Variants in FBXL7 observed in about 807,000 individuals in gnomAD.
FBXL7 encodes the protein F-box and leucine rich repeat protein 7.
A neutral mutation model predicts 38.3 loss-of-function variants in FBXL7; 12 were observed. That is an observed-to-expected ratio of 0.31 (90% CI 0.20 to 0.51). FBXL7 has a LOEUF of 0.51. Ranked by LOEUF, FBXL7 falls within the 20% of genes least tolerant of loss-of-function variation. The pLI, the probability that FBXL7 is intolerant of heterozygous loss-of-function variation, is 0.98. For synonymous variants in FBXL7, 297 were observed against 300.9 expected (o/e 0.99, Z 0.13); for missense variants, 567 against 676.4 (o/e 0.84, Z 1.79).
intron 1 of FBXL7, among the ~76,000 whole-genome samples, chr5:15,606,141 A>G (rs531146822): frequency 6.6e-6 from 1 of 152,246 alleles, no homozygotes; most frequent in East Asian, 1.9e-4. Flanking sequence ...GAAATATGCT[A>G]CCTCACTAGA....
chr5:15,534,662 C>A (rs921081656), intron 1 of FBXL7, among the ~76,000 whole-genome samples: 2 of 152,066 alleles, frequency 1.3e-5, no homozygotes, highest in Admixed American at 6.5e-5. Flanking sequence ...TTTTCAACTC[C>A]TTTAGGTAAA....
chr5:15,528,784 G>A (rs1278825568), intron 1 of FBXL7, among the ~76,000 whole-genome samples: 4 of 151,806 alleles, frequency 2.6e-5, no homozygotes, highest in Non-Finnish European at 5.9e-5. Flanking sequence ...TCTGAAGGCC[G>A]GTTTTTTTAA....
At chr5:15,610,146 C>G (rs1401495211) in intron 1 of FBXL7, among the ~76,000 whole-genome samples, 1 of 152,190 alleles carries the variant, frequency 6.6e-6, no homozygotes, top group Non-Finnish European at 1.5e-5. Context: ...TATCTCCCAC[C>G]AGGGGTCCCT....
chr5:15,542,947 A>AATG (rs1363388148), intron 1 of FBXL7, among the ~76,000 whole-genome samples: 1 of 152,102 alleles, frequency 6.6e-6, no homozygotes, highest in Admixed American at 6.6e-5. Context: ...TCAGGCAGGG[A>AATG]ATGGGGTGAT....
chr5:15,533,445 A>G (rs1216908544), intron 1 of FBXL7, among the ~76,000 whole-genome samples: 6 of 152,300 alleles, frequency 3.9e-5, no homozygotes, highest in South Asian at 2.1e-4. Context: ...GGATTTGTGA[A>G]TGAGTTTCAG....
intron 2 of FBXL7, among the ~76,000 whole-genome samples, chr5:15,627,369 G>C (rs1740852307): frequency 1.3e-5 from 2 of 152,160 alleles, no homozygotes; most frequent in African/African-American, 2.4e-5. Context: ...TGCTGTGTGA[G>C]TAGTCAGTGG....
At chr5:15,918,003 C>G (rs533000728) in intron 2 of FBXL7, among the ~76,000 whole-genome samples, 4 of 152,200 alleles carry the variant, frequency 2.6e-5, no homozygotes, top group Admixed American at 2.6e-4. Context: ...CTTTGGGAGG[C>G]TGAGGCGGGC....
At chr5:15,695,432 C>T (rs1374534308) in intron 2 of FBXL7, among the ~76,000 whole-genome samples, 1 of 152,082 alleles carries the variant, frequency 6.6e-6, no homozygotes, top group Non-Finnish European at 1.5e-5. Context: ...CACTAATAAC[C>T]CTGCACTGGG....
intron 2 of FBXL7, among the ~76,000 whole-genome samples, chr5:15,703,946 G>T (rs895412912): frequency 6.6e-6 from 1 of 152,114 alleles, no homozygotes; most frequent in Non-Finnish European, 1.5e-5. Context: ...ATCTAAGCAG[G>T]GTCACACTCA....
chr5:15,837,365 G>A (rs540422016), intron 2 of FBXL7, among the ~76,000 whole-genome samples: 98 of 152,238 alleles, frequency 6.4e-4, no homozygotes, highest in Non-Finnish European at 1.1e-3. Context: ...AAATTCTAAA[G>A]CATTTTAAGG....
chr5:15,794,715 C>G (rs1737370137), intron 2 of FBXL7, among the ~76,000 whole-genome samples: 2 of 152,100 alleles, frequency 1.3e-5, no homozygotes, highest in Admixed American at 6.5e-5. Context: ...TTTATCTTAA[C>G]AACTTTGGGA....
chr5:15,804,127 C>T (rs1737643270), intron 2 of FBXL7, among the ~76,000 whole-genome samples: 1 of 152,182 alleles, frequency 6.6e-6, no homozygotes, highest in African/African-American at 2.4e-5. Context: ...GGATATTTTA[C>T]ATTTTGCAAT....
intron 2 of FBXL7, among the ~76,000 whole-genome samples, chr5:15,637,848 CAT>C (rs1192444013): frequency 6.6e-6 from 1 of 152,190 alleles, no homozygotes; most frequent in African/African-American, 2.4e-5. Flanking sequence ...AAAGCGATGT[CAT>C]ATTTTTAAAA....
chr5:15,668,105 G>C (rs996922229), intron 2 of FBXL7, among the ~76,000 whole-genome samples: 2 of 152,114 alleles, frequency 1.3e-5, no homozygotes, highest in African/African-American at 4.8e-5. Flanking sequence ...GATCCAACCT[G>C]ATGAGCCATC....
chr5:15,827,591 G>A lies in FBXL7; in HGVS notation c.128-100299G>A, dbSNP rs536087321. Among the ~76,000 whole-genome samples, 3 of 152,304 alleles carry A rather than the reference G, an allele frequency of 2.0e-5. No homozygotes were observed. The South Asian group carries it at 6.2e-4, about 32-fold the overall frequency. The stretch of plus-strand genomic sequence containing the variant: ...TGTCATCATATGGCGAAAGGCAGCA[G>A]AGTGAGAGAAAGAGAGAAAGGGGTC... On this transcript the variant is annotated intron_variant, in intron 2 of 3. Transcript: ENST00000504595.
intron 2 of FBXL7, among the ~76,000 whole-genome samples, chr5:15,880,943 G>C (rs1269905577): frequency 2.0e-5 from 3 of 151,262 alleles, no homozygotes; most frequent in African/African-American, 7.3e-5. Flanking sequence ...TTTTTATTTT[G>C]GTTTTAGAGA....
chr5:15,890,701 G>A (rs1250954483), intron 2 of FBXL7, among the ~76,000 whole-genome samples: 2 of 152,094 alleles, frequency 1.3e-5, no homozygotes, highest in Non-Finnish European at 2.9e-5. Flanking sequence ...TGAAAAAATG[G>A]TCTTCCATGG....
chr5:15,872,314 CA>C (rs1740001031), intron 2 of FBXL7, among the ~76,000 whole-genome samples: 1 of 152,126 alleles, frequency 6.6e-6, no homozygotes, highest in African/African-American at 2.4e-5. Context: ...CCAGCCATTG[CA>C]AAAACATACC....
intron 2 of FBXL7, among the ~76,000 whole-genome samples, chr5:15,619,946 GTAAA>G (rs1265282781): frequency 6.6e-6 from 1 of 152,142 alleles, no homozygotes; most frequent in Non-Finnish European, 1.5e-5. Context: ...AATTGTGCTG[GTAAA>G]TAAAGTGAGG....
Sources: allele counts gnomAD v4.1 joint callset (sites outside exome capture counted in the v4.1 genomes callset), GRCh38; gene constraint gnomAD v4.1.1; transcripts MANE v1.5; gene names NCBI Gene and HGNC (gene_info 2026-07-23, HGNC 2026-07-21).